Variants in FGF18 observed in about 807,000 individuals in gnomAD.
FGF18 encodes fibroblast growth factor 18.
Under a neutral mutation model 23.0 loss-of-function variants are expected in FGF18, and 5 were observed. The observed-to-expected ratio is 0.22, with a 90% CI of 0.11 to 0.46. FGF18 has a LOEUF of 0.46. Among genes scored for constraint, FGF18 ranks in the 20% least tolerant of loss-of-function variants. The probability of loss-of-function intolerance (pLI) is 0.99; values close to 1 mark genes in which losing one functional copy is unlikely to be tolerated. For synonymous variants in FGF18, 117 were observed against 118.9 expected (o/e 0.98, Z 0.10); for missense variants, 180 against 291.6 (o/e 0.62, Z 2.79).
At chr5:171,443,164 C>T (rs559621857) in intron 3 of FGF18, among the ~76,000 whole-genome samples, 1 of 151,620 alleles carries the variant, frequency 6.6e-6, no homozygotes, top group Non-Finnish European at 1.5e-5. Context: ...GAGTCTCGCC[C>T]TATAGCCCAG....
Position 171,420,238 on chromosome 5 carries a change from GC to G in FGF18, c.32+10del. ...CCTCCGCCTGCACTTGCCTGTAAGC[GC>G]CCGCGCGCGGGGCTGCCCACCTTGC... is the stretch of plus-strand genomic sequence containing the variant. On this transcript the variant is annotated splice_region_variant and intron_variant, in intron 1 of 4. Transcript: ENST00000274625. 1 of 1,578,474 alleles carries G rather than the reference GC, an allele frequency of 6.3e-7. No homozygotes were observed.
At chr5:171,427,893 T>G (rs764080974) in intron 2 of FGF18, among the ~76,000 whole-genome samples, 16 of 151,880 alleles carry the variant, frequency 1.1e-4, no homozygotes, top group Non-Finnish European at 2.1e-4. Context: ...CAGGGATGGG[T>G]GGGTTCTGGG....
chr5:171,420,310 G>T, intron 1 of FGF18, 79 bp downstream of exon 1: 2 of 1,606,270 alleles, frequency 1.2e-6, no homozygotes, highest in East Asian at 2.2e-5. Context: ...CTGTCTGCCC[G>T]CCCGTCGGTT....
intron 2 of FGF18, among the ~76,000 whole-genome samples, chr5:171,424,741 C>G (rs191923964): frequency 3.3e-5 from 5 of 151,948 alleles, no homozygotes; most frequent in Non-Finnish European, 5.9e-5. Flanking sequence ...GGTCCTGATC[C>G]TCCTGGAATG....
At chr5:171,420,552 G>A (rs1430119289) in intron 2 of FGF18, 109 bp downstream of exon 2, 8 of 1,057,440 alleles carry the variant, frequency 7.6e-6, no homozygotes, top group Middle Eastern at 2.9e-4. Flanking sequence ...CCTGGGCGCT[G>A]AGCCCAGTGC....
chr5:171,437,895 C>T (rs1036766390), intron 3 of FGF18, among the ~76,000 whole-genome samples: 5 of 152,054 alleles, frequency 3.3e-5, no homozygotes, highest in Non-Finnish European at 1.5e-5. Context: ...AGACAGGAGG[C>T]GGGAGCTCGA....
chr5:171,422,373 A>C (rs185529511), intron 2 of FGF18, among the ~76,000 whole-genome samples: 1 of 152,066 alleles, frequency 6.6e-6, no homozygotes, highest in Non-Finnish European at 1.5e-5. Flanking sequence ...GCCTTTCTGC[A>C]TCCAAAGTGC....
intron 3 of FGF18, among the ~76,000 whole-genome samples, chr5:171,437,272 A>G (rs1772261733): frequency 6.6e-6 from 1 of 152,178 alleles, no homozygotes; most frequent in Non-Finnish European, 1.5e-5. Flanking sequence ...CAACAAGACA[A>G]ATAATTTCTT....
intron 3 of FGF18, among the ~76,000 whole-genome samples, chr5:171,446,385 G>A (rs1173047899): frequency 6.6e-6 from 1 of 152,202 alleles, no homozygotes; most frequent in Non-Finnish European, 1.5e-5. Context: ...CTCCCCTGGA[G>A]CCCAGGCCCC....
chr5:171,427,158 G>A (rs111779186), intron 2 of FGF18, among the ~76,000 whole-genome samples: 1 of 149,474 alleles, frequency 6.7e-6, no homozygotes, highest in African/African-American at 2.5e-5. Context: ...GGTGAGCCAA[G>A]ATCACGCCAC....
chr5:171,453,393 G>A lies in FGF18; in HGVS notation c.358-3146G>A, dbSNP rs187206949. Among the ~76,000 whole-genome samples the A allele has an allele frequency of 2.7e-3, 407 of 152,316 alleles. 1 individual carries two copies. The highest frequency in any genetic ancestry group is 3.2e-3 in the Non-Finnish European group (218 of 68,032). Reference sequence around the variant, plus strand: ...GTAAACCCAGACATGCATTGAGCCCGCGTGACTGGCACTGGGTAGCTCCTT... The same window carrying A: ...GTAAACCCAGACATGCATTGAGCCCACGTGACTGGCACTGGGTAGCTCCTT... On this transcript the variant is annotated intron_variant, in intron 4 of 4. Coordinates refer to ENST00000274625, the MANE Select transcript of FGF18 (RefSeq NM_003862.3).
rs919545896 is a variant in FGF18, at chr5:171,456,755, A to G, written c.574A>G (p.Thr192Ala). 1 of 1,614,064 alleles carries G rather than the reference A, an allele frequency of 6.2e-7. No homozygotes were observed. The highest frequency in any genetic ancestry group is 8.5e-7 in the Non-Finnish European group (1 of 1,180,022). The change falls in exon 5 of 5, where the codon ACG (threonine) becomes GCG (alanine). Residue 192 changes from threonine (T) to alanine (A), a missense_variant. Thr to Ala is a moderately conservative substitution (Grantham distance 58). This residue lies in a region of FGF18 where 40 missense variants were observed against 41.4 expected (regional missense o/e 0.97). Coordinates refer to ENST00000274625, the MANE Select transcript of FGF18 (RefSeq NM_003862.3). This position sits in a 1 kb window ranked among gnomAD's most constrained non-coding sequence, Gnocchi z 6.1. ...QPELQKPFKY[T>A]TVTKRSRRIR... ...GGAGCTTCAGAAGCCCTTCAAGTAC[A>G]CGACGGTGACCAAGAGGTCCCGTCG...
chr5:171,427,400 A>T (rs1212398062), intron 2 of FGF18, among the ~76,000 whole-genome samples: 1 of 152,138 alleles, frequency 6.6e-6, no homozygotes, highest in Non-Finnish European at 1.5e-5. Context: ...GCTAGAAAGG[A>T]CGTGTTCCTT....
Position 171,436,188 on chromosome 5 carries a change from C to T in FGF18, c.165C>T (p.Tyr55=). The change falls in exon 3 of 5, where the codon TAC becomes TAT. Residue 55 remains tyrosine, a synonymous_variant. Transcript: ENST00000274625. This position sits in a 1 kb window ranked among gnomAD's most constrained non-coding sequence, Gnocchi z 4.4. ...DDVSRKQLRL[Y]QLYSRTSGKH... ...TGAGCCGTAAGCAGCTGCGGCTGTA[C>T]CAGCTCTACAGCCGGACCAGTGGGA... 3 of 1,608,836 alleles carry T rather than the reference C, an allele frequency of 1.9e-6. No individual in the cohort carries two copies. The highest frequency in any genetic ancestry group is 2.5e-6 in the Non-Finnish European group (3 of 1,177,158).
rs545590353 is a variant in FGF18 at position 171,451,182 on chromosome 5, T to A, written c.357+1929T>A. 3.3e-5 allele frequency among the ~76,000 whole-genome samples: 5 copies of A among 151,910 alleles called. No homozygotes were observed. In the East Asian group the frequency reaches 9.8e-4, roughly 30 times the overall value. ...TCATTAATATTGGTGACGGTTCAGCTGGCGCGGCGCACCCTGGCGCAGCGG... is the reference window on the plus strand; with the variant it reads ...TCATTAATATTGGTGACGGTTCAGCAGGCGCGGCGCACCCTGGCGCAGCGG... On this transcript the variant is annotated intron_variant, in intron 4 of 4. Transcript: ENST00000274625. This position sits in a 1 kb window ranked among gnomAD's most constrained non-coding sequence, Gnocchi z 4.5.
chr5:171,450,554 G>T (rs1046333510), intron 4 of FGF18, among the ~76,000 whole-genome samples: 10 of 152,206 alleles, frequency 6.6e-5, no homozygotes, highest in African/African-American at 2.4e-4. Flanking sequence ...TTCAAAGCCC[G>T]GTTTGGAAGG....
chr5:171,425,720 T>C (rs1772080352), intron 2 of FGF18, among the ~76,000 whole-genome samples: 1 of 150,974 alleles, frequency 6.6e-6, no homozygotes, highest in Non-Finnish European at 1.5e-5. Flanking sequence ...TTAGTAGAGA[T>C]GGGGTTTCAC....
At chr5:171,432,598 A>G (rs755359942) in intron 2 of FGF18, among the ~76,000 whole-genome samples, 5 of 152,016 alleles carry the variant, frequency 3.3e-5, no homozygotes, top group Non-Finnish European at 7.4e-5. Context: ...CAGTAGAGAC[A>G]GGGTTTCAGT....
chr5:171,446,863 T>G (rs1772426390), intron 3 of FGF18, among the ~76,000 whole-genome samples: 1 of 152,050 alleles, frequency 6.6e-6, no homozygotes. Flanking sequence ...TCTGGTCCAT[T>G]TTGCAGTGTG....
Sources: allele counts gnomAD v4.1 joint callset (sites outside exome capture counted in the v4.1 genomes callset), GRCh38; gene constraint gnomAD v4.1.1; regional missense constraint gnomAD v4.1.1; non-coding constraint Gnocchi (gnomAD v3.1); transcripts MANE v1.5; gene names NCBI Gene and HGNC (gene_info 2026-07-23, HGNC 2026-07-21).